Variants in SHISA9 observed in about 807,000 individuals in gnomAD.
The protein encoded by SHISA9 is protein shisa-9.
A neutral mutation model predicts 38.0 loss-of-function variants in SHISA9; 13 were observed. That is an observed-to-expected ratio of 0.34 (90% CI 0.22 to 0.54). The LOEUF is 0.54. Ranked by LOEUF, SHISA9 falls within the 20% of genes least tolerant of loss-of-function variation. The pLI is 0.91. For missense variants in SHISA9, 538 were observed against 575.8 expected (o/e 0.93, Z 0.67); for synonymous variants, 275 against 242.0 (o/e 1.14, Z -1.27).
the SHISA9 span, among the ~76,000 whole-genome samples, chr16:13,393,148 A>G: frequency 6.6e-6 from 1 of 152,172 alleles, no homozygotes; most frequent in Non-Finnish European, 1.5e-5. Context: ...CTGATCACAC[A>G]GATGTTTGCT....
Position 12,901,818 on chromosome 16 carries a change from C to A in SHISA9, c.-247C>A, listed in dbSNP as rs1158956909. 1 of 148,806 alleles carries A rather than the reference C, an allele frequency of 6.7e-6. No individual in the cohort carries two copies. The highest frequency in any genetic ancestry group is 1.5e-5 in the Non-Finnish European group (1 of 67,362). 9.2% of individuals were successfully genotyped at this position (148,806 alleles called of 1,614,324 possible). On this transcript the variant is annotated 5_prime_UTR_variant, in exon 1 of 5. Transcript: ENST00000558583. ...CTCATCCTCCCCCCGCCCGGCCGGG[C>A]GCGCTCCTCCCCGGCCGGCCCCTCG...
At chr16:13,204,164 A>G (rs1253212915) in intron 3 of SHISA9, among the ~76,000 whole-genome samples, 4 of 146,014 alleles carry the variant, frequency 2.7e-5, no homozygotes, top group African/African-American at 1.0e-4. Context: ...CTATCTATCT[A>G]TCTATTTATC....
At chr16:13,417,446 A>G in the SHISA9 span, among the ~76,000 whole-genome samples, 2 of 152,114 alleles carry the variant, frequency 1.3e-5, no homozygotes, top group African/African-American at 2.4e-5. Flanking sequence ...GGTTGGAGCC[A>G]AGAAATGGGC....
Position 13,203,478 on chromosome 16 carries a change from A to G in SHISA9, c.776A>G (p.Gln259Arg), listed in dbSNP as rs537554312. 5.2e-5 allele frequency: 80 copies of G among 1,551,336 alleles called. No homozygotes were observed. Among genetic ancestry groups the G allele is most frequent in the Non-Finnish European group, 6.5e-5 (74 of 1,146,782 alleles). The change falls in exon 3 of 5, where the codon CAG (glutamine) becomes CGG (arginine). Residue 259 changes from glutamine to arginine, a missense_variant. Around this residue, in one of 4 missense-constraint regions of SHISA9, gnomAD observed 326 missense variants for 305.9 expected, o/e 1.07. Coordinates refer to ENST00000558583, the MANE Select transcript of SHISA9 (RefSeq NM_001145204.3). Reference protein sequence around the residue: ...GHPHSYPNLGQISNPYEQQPP... With the variant: ...GHPHSYPNLGRISNPYEQQPP... Reference sequence around the variant, plus strand: ...CCACATTCGTACCCGAACCTGGGCCAGATCTCCAACCCCTATGAACAGCAG... The same window carrying G: ...CCACATTCGTACCCGAACCTGGGCCGGATCTCCAACCCCTATGAACAGCAG...
At chr16:13,486,675 A>T in the SHISA9 span, among the ~76,000 whole-genome samples, 1 of 152,042 alleles carries the variant, frequency 6.6e-6, no homozygotes, top group Non-Finnish European at 1.5e-5. Flanking sequence ...CTTAGTGGGG[A>T]TCTGCAATAA....
At position 12,990,141 on chromosome 16, in the gene SHISA9, A is replaced by G. The variant is rs370837960; in HGVS notation, c.691+73326A>G. Among the ~76,000 whole-genome samples the G allele has an allele frequency of 7.2e-5, 11 of 152,282 alleles. 1 individual carries two copies. In the East Asian group the frequency reaches 1.9e-3, roughly 27 times the overall value. On this transcript the variant is annotated intron_variant, in intron 2 of 4. Coordinates refer to ENST00000558583, the MANE Select transcript of SHISA9 (RefSeq NM_001145204.3). ...CTTTTTTATGGCTGCACAGTATCCCATTGTGTACACATACCGCCTTTTCTT... is the reference window on the plus strand; with the variant it reads ...CTTTTTTATGGCTGCACAGTATCCCGTTGTGTACACATACCGCCTTTTCTT...
chr16:13,108,082 G>A (rs1355983369), intron 2 of SHISA9, among the ~76,000 whole-genome samples: 1 of 152,034 alleles, frequency 6.6e-6, no homozygotes, highest in African/African-American at 2.4e-5. Context: ...GACAGGGAGT[G>A]GAGGGTAAGG....
At chr16:13,152,150 G>A (rs1434242342) in intron 2 of SHISA9, among the ~76,000 whole-genome samples, 1 of 152,024 alleles carries the variant, frequency 6.6e-6, no homozygotes, top group South Asian at 2.1e-4. Flanking sequence ...TCCAACAATG[G>A]AACTATAAAA....
At chr16:13,202,706 A>G (rs2051017573) in intron 2 of SHISA9, among the ~76,000 whole-genome samples, 1 of 152,156 alleles carries the variant, frequency 6.6e-6, no homozygotes, top group African/African-American at 2.4e-5. Flanking sequence ...TCATTTAAGA[A>G]TTCCCATATT....
At chr16:13,174,136 C>T (rs746912666) in intron 2 of SHISA9, among the ~76,000 whole-genome samples, 2 of 152,122 alleles carry the variant, frequency 1.3e-5, no homozygotes, top group Admixed American at 6.5e-5. Context: ...ATTTATTATC[C>T]TACACCTCTG....
At chr16:13,262,631 T>TGGAAGGGAGGAAGGAA in the SHISA9 span, among the ~76,000 whole-genome samples, 1 of 77,948 alleles carries the variant, frequency 1.3e-5, no homozygotes, top group Non-Finnish European at 2.5e-5. Flanking sequence ...ATTGTTATTG[T>TGGAAGGGAGGAAGGAA]GGAAGGAAGG....
chr16:13,443,133 A>G, the SHISA9 span, among the ~76,000 whole-genome samples: 1 of 152,316 alleles, frequency 6.6e-6, no homozygotes, highest in Non-Finnish European at 1.5e-5. Context: ...TTTCTGGGAA[A>G]GTTCACTGGA....
At chr16:13,047,272 G>T (rs1192377814) in intron 2 of SHISA9, among the ~76,000 whole-genome samples, 1 of 151,650 alleles carries the variant, frequency 6.6e-6, no homozygotes, top group African/African-American at 2.4e-5. Context: ...AAGGGAGCCA[G>T]CTCACTCCCT....
intron 2 of SHISA9, among the ~76,000 whole-genome samples, chr16:13,186,456 C>G (rs984091267): frequency 4.0e-5 from 6 of 151,828 alleles, no homozygotes; most frequent in Non-Finnish European, 8.8e-5. Context: ...TGCCACCACA[C>G]CCGGCTAATT....
At chr16:13,347,989 G>A in the SHISA9 span, among the ~76,000 whole-genome samples, 9 of 152,170 alleles carry the variant, frequency 5.9e-5, no homozygotes, top group African/African-American at 2.2e-4. Flanking sequence ...AGCCACCTGG[G>A]CCTAATGTAA....
At chr16:13,551,605 G>A in the SHISA9 span, among the ~76,000 whole-genome samples, 1 of 152,128 alleles carries the variant, frequency 6.6e-6, no homozygotes, top group Non-Finnish European at 1.5e-5. Flanking sequence ...ATGTACATAA[G>A]TACTTACAAA....
At chr16:13,376,722 C>G in the SHISA9 span, among the ~76,000 whole-genome samples, 4 of 152,096 alleles carry the variant, frequency 2.6e-5, no homozygotes, top group South Asian at 4.2e-4. Flanking sequence ...GAGACAGGGT[C>G]TCACTCCATT....
intron 2 of SHISA9, among the ~76,000 whole-genome samples, chr16:12,957,526 T>A (rs2071852247): frequency 1.3e-5 from 2 of 152,160 alleles, no homozygotes; most frequent in African/African-American, 2.4e-5. Context: ...AGAACTCTTA[T>A]AAGGACACTA....
At chr16:13,339,756 T>C in the SHISA9 span, among the ~76,000 whole-genome samples, 13 of 152,222 alleles carry the variant, frequency 8.5e-5, no homozygotes, top group Non-Finnish European at 1.8e-4. Flanking sequence ...TACCAGTTTG[T>C]TGAGTAACCT....
Sources: gnomAD v4.1 joint callset for allele counts (sites outside exome capture counted in the v4.1 genomes callset) on GRCh38, gnomAD v4.1.1 for gene constraint, gnomAD v4.1.1 regional missense constraint, MANE v1.5 for transcripts, NCBI Gene and HGNC (gene_info 2026-07-23, HGNC 2026-07-21) for gene names.